Variants in PLCL1 observed in about 807,000 individuals in gnomAD.
PLCL1 encodes the protein inactive phospholipase C-like protein 1.
In PLCL1, 41 loss-of-function variants were observed where a neutral mutation model predicts 84.4. The ratio of observed to expected loss-of-function variants is 0.49; its 90% CI spans 0.38 to 0.63. PLCL1 has a LOEUF of 0.63. Ranked by LOEUF, PLCL1 falls within the 30% of genes least tolerant of loss-of-function variation. The pLI, the probability that PLCL1 is intolerant of heterozygous loss-of-function variation, is 0.00. For synonymous variants in PLCL1, 490 were observed against 488.3 expected (o/e 1.00, Z -0.05); for missense variants, 1,206 against 1,367.8 (o/e 0.88, Z 1.87).
intron 1 of PLCL1, among the ~76,000 whole-genome samples, chr2:198,035,147 G>A (rs1255119885): frequency 6.6e-6 from 1 of 152,136 alleles, no homozygotes; most frequent in East Asian, 1.9e-4. Context: ...ATCTATTAGT[G>A]TTAATGACGG....
At chr2:197,961,816 C>T (rs796472179) in intron 1 of PLCL1, among the ~76,000 whole-genome samples, 2 of 151,842 alleles carry the variant, frequency 1.3e-5, no homozygotes, top group African/African-American at 4.8e-5. Flanking sequence ...TCTCCTGGAA[C>T]AAAGGATGAG....
At chr2:197,886,643 G>A (rs1687929985) in intron 1 of PLCL1, among the ~76,000 whole-genome samples, 1 of 151,922 alleles carries the variant, frequency 6.6e-6, no homozygotes, top group African/African-American at 2.4e-5. Context: ...AAATGTGAGG[G>A]CCTTTCGATC....
chr2:198,045,228 A>G (rs1691758523), intron 1 of PLCL1, among the ~76,000 whole-genome samples: 1 of 151,976 alleles, frequency 6.6e-6, no homozygotes, highest in African/African-American at 2.4e-5. Flanking sequence ...TTGTCAAGTT[A>G]TTTTTCTCTT....
At chr2:198,030,635 T>C (rs1691387901) in intron 1 of PLCL1, among the ~76,000 whole-genome samples, 1 of 152,178 alleles carries the variant, frequency 6.6e-6, no homozygotes, top group African/African-American at 2.4e-5. Flanking sequence ...GTGGTGTAAA[T>C]GCTTTACATG....
At chr2:198,003,674 C>T (rs1471133762) in intron 1 of PLCL1, among the ~76,000 whole-genome samples, 1 of 152,170 alleles carries the variant, frequency 6.6e-6, no homozygotes, top group Non-Finnish European at 1.5e-5. Context: ...AGCTAATGCT[C>T]ACTCTGTCAT....
chr2:197,948,265 C>T (rs1315419966), intron 1 of PLCL1, among the ~76,000 whole-genome samples: 6 of 152,016 alleles, frequency 3.9e-5, no homozygotes, highest in Admixed American at 6.6e-5. Context: ...TAACTAAGAA[C>T]GCTGGAGTAG....
intron 1 of PLCL1, among the ~76,000 whole-genome samples, chr2:197,836,973 T>A (rs1292992175): frequency 6.6e-6 from 1 of 152,148 alleles, no homozygotes; most frequent in African/African-American, 2.4e-5. Context: ...GTGCTGGGAT[T>A]ATAGGTATGA....
At chr2:197,916,740 G>A (rs1024190752) in intron 1 of PLCL1, among the ~76,000 whole-genome samples, 4 of 151,546 alleles carry the variant, frequency 2.6e-5, no homozygotes, top group Non-Finnish European at 4.4e-5. Context: ...TCTGATGCCC[G>A]GTGCCCAGCA....
chr2:198,048,300 G>T (rs1485638930), intron 1 of PLCL1, among the ~76,000 whole-genome samples: 1 of 152,172 alleles, frequency 6.6e-6, no homozygotes, highest in Non-Finnish European at 1.5e-5. Flanking sequence ...TTGGTGTCTG[G>T]TAAGGGCCTG....
intron 1 of PLCL1, among the ~76,000 whole-genome samples, chr2:198,006,556 A>G (rs183721564): frequency 6.6e-6 from 1 of 152,182 alleles, no homozygotes; most frequent in East Asian, 1.9e-4. Flanking sequence ...GTTTATATTT[A>G]TGTTTATTCG....
rs1043809211 is a variant in PLCL1 at position 198,148,990 on chromosome 2, C to T, written c.*2028C>T. ...TCTCAAAAACGTAATATGGATTCTG[C>T]CTCATCTGATGCTATTTCTGGCAGT... On this transcript the variant is annotated 3_prime_UTR_variant, in exon 6 of 6. Coordinates refer to ENST00000428675, the MANE Select transcript of PLCL1 (RefSeq NM_006226.4). The T allele has an allele frequency of 6.6e-6, 1 of 152,278 alleles. No individual in the cohort carries two copies. Among genetic ancestry groups the T allele is most frequent in the African/African-American group, 2.4e-5 (1 of 41,418 alleles). 9.4% of individuals were successfully genotyped at this position (152,278 alleles called of 1,614,324 possible).
intron 1 of PLCL1, among the ~76,000 whole-genome samples, chr2:198,016,908 C>T (rs1284499709): frequency 2.0e-5 from 3 of 152,164 alleles, no homozygotes; most frequent in Admixed American, 6.5e-5. Context: ...TATACTGCCA[C>T]TTCTGGACTG....
intron 1 of PLCL1, among the ~76,000 whole-genome samples, chr2:197,934,725 G>T (rs1689015958): frequency 6.6e-6 from 1 of 151,988 alleles, no homozygotes; most frequent in Non-Finnish European, 1.5e-5. Context: ...TATATGTTGT[G>T]AAATGATTAA....
rs376872615 is a variant in PLCL1, at chr2:198,084,835, C to T, written c.1318C>T (p.Arg440Ter). 2 of 1,613,850 alleles carry T rather than the reference C, an allele frequency of 1.2e-6. No homozygotes were observed. Among genetic ancestry groups the T allele is most frequent in the South Asian group, 1.1e-5 (1 of 91,030 alleles). The stretch of plus-strand genomic sequence containing the variant: ...CATTAGAGCTTTGAAAATGGGCTGT[C>T]GAAGCGTTGAACTCGATGTAAGTGA... ...GYIRALKMGC[R>*]SVELDVSDGS... Residue 440 changes from arginine to a stop codon, truncating the protein, a stop_gained, in exon 2 of 6, where the codon CGA becomes TGA. Transcript: ENST00000428675. LOFTEE classifies it high-confidence loss of function.
intron 1 of PLCL1, among the ~76,000 whole-genome samples, chr2:197,820,734 G>A (rs1690798664): frequency 6.6e-6 from 1 of 152,114 alleles, no homozygotes; most frequent in Admixed American, 6.6e-5. Flanking sequence ...AAATTCTGAA[G>A]TGGATATTTT....
intron 1 of PLCL1, among the ~76,000 whole-genome samples, chr2:197,875,581 C>T (rs943336853): frequency 4.3e-4 from 65 of 152,152 alleles, no homozygotes; most frequent in African/African-American, 1.5e-3. Flanking sequence ...TGATATACTT[C>T]AGTATAAAAA....
chr2:197,819,935 G>T lies in PLCL1; in HGVS notation c.240+14596G>T, dbSNP rs114246198. ...GTGTGTGTGTGTATGTAGTAGGGTT[G>T]GGGGAAGGTATACTTTTACTCTTCA... On this transcript the variant is annotated intron_variant, in intron 1 of 5. Coordinates refer to ENST00000428675, the MANE Select transcript of PLCL1 (RefSeq NM_006226.4). 3.4e-3 allele frequency among the ~76,000 whole-genome samples: 510 copies of T among 151,576 alleles called. 8 individuals carry two copies. The highest frequency in any genetic ancestry group is 0.012 in the African/African-American group (487 of 41,298).
intron 1 of PLCL1, among the ~76,000 whole-genome samples, chr2:198,061,509 G>A (rs1271089390): frequency 6.6e-6 from 1 of 152,100 alleles, no homozygotes; most frequent in Non-Finnish European, 1.5e-5. Context: ...GGGAACTAGA[G>A]AAGCTGGCTT....
At chr2:197,904,100 G>A (rs1057184410) in intron 1 of PLCL1, among the ~76,000 whole-genome samples, 10 of 152,094 alleles carry the variant, frequency 6.6e-5, no homozygotes, top group African/African-American at 2.2e-4. Context: ...ACCATACCTG[G>A]CCCAAAAACA....
Sources: gnomAD v4.1 joint callset for allele counts (sites outside exome capture counted in the v4.1 genomes callset) on GRCh38, gnomAD v4.1.1 for gene constraint, MANE v1.5 for transcripts, NCBI Gene and HGNC (gene_info 2026-07-23, HGNC 2026-07-21) for gene names.